The following CSMD2 variants were observed in gnomAD, a reference collection of about 807,000 sequenced individuals.
CSMD2 encodes CUB and sushi domain-containing protein 2.
In CSMD2, 130 loss-of-function variants were observed where a neutral mutation model predicts 398.5. That is an observed-to-expected ratio of 0.33 (90% confidence interval 0.28 to 0.38). The LOEUF (loss-of-function observed/expected upper bound fraction) is 0.38, where lower values mean the gene tolerates loss of function less well. Ranked by LOEUF, CSMD2 falls within the 10% of genes least tolerant of loss-of-function variation. CSMD2 has a pLI of 1.00. For missense variants in CSMD2, 3,829 were observed against 4,764.9 expected, an observed-to-expected ratio of 0.80 and a Z score of 5.78; for synonymous variants, 1,828 against 1,908.5, an observed-to-expected ratio of 0.96 and a Z score of 1.10.
intron 44 of CSMD2, among the ~76,000 whole-genome samples, chr1:33,590,328 G>T (rs1275644084): frequency 7.1e-6 from 1 of 141,468 alleles, no homozygotes; most frequent in African/African-American, 2.7e-5. Flanking sequence ...TGTAGAGATC[G>T]GGTTTCAAGA....
chr1:33,743,461 G>A lies in CSMD2; in HGVS notation c.1992C>T (p.Asp664=), dbSNP rs755606815. The change falls in exon 14 of 71, where the codon GAC becomes GAT. Residue 664 remains aspartate, a synonymous_variant. Coordinates refer to ENST00000373381, the MANE Select transcript of CSMD2 (RefSeq NM_001281956.2). ...SRIHLAFNDI[D]VEPQFDFLVI... The stretch of plus-strand genomic sequence containing the variant: ...CCAGGAAATCAAACTGAGGCTCCAC[G>A]TCAATGTCGTTGAAGGCCAGGTGGA... 22 of 1,614,204 alleles carry A rather than the reference G, an allele frequency of 1.4e-5. No homozygotes were observed. The highest frequency in any genetic ancestry group is 2.2e-5 in the East Asian group (1 of 44,882).
intron 1 of CSMD2, among the ~76,000 whole-genome samples, chr1:34,141,012 C>T (rs1639238194): frequency 6.6e-6 from 1 of 152,076 alleles, no homozygotes; most frequent in East Asian, 1.9e-4. Flanking sequence ...CTTCTCATTT[C>T]CTCCTGTGAA....
chr1:33,746,716 T>A (rs185670279), intron 13 of CSMD2, among the ~76,000 whole-genome samples: 33 of 152,338 alleles, frequency 2.2e-4, no homozygotes, highest in Non-Finnish European at 3.7e-4. Flanking sequence ...GAATCCCTAG[T>A]GGCTCCCACA....
intron 5 of CSMD2, among the ~76,000 whole-genome samples, chr1:33,879,033 G>A (rs1279502398): frequency 6.6e-6 from 1 of 152,232 alleles, no homozygotes. Flanking sequence ...GCCACAGGAT[G>A]CAGACCAACA....
intron 1 of CSMD2, among the ~76,000 whole-genome samples, chr1:34,139,278 A>T (rs976527710): frequency 6.6e-6 from 1 of 152,060 alleles, no homozygotes; most frequent in African/African-American, 2.4e-5. Context: ...GCTTTGTAAG[A>T]AGAAGAAGAG....
chr1:33,757,137 T>C (rs1167930486), intron 13 of CSMD2, among the ~76,000 whole-genome samples: 2 of 147,796 alleles, frequency 1.4e-5, no homozygotes, highest in Non-Finnish European at 3.0e-5. Context: ...AAGGGGAACA[T>C]CACAATCTGG....
chr1:33,577,409 G>A lies in CSMD2; in HGVS notation c.7463C>T (p.Ser2488Phe). Residue 2488 changes from serine (S) to phenylalanine (F), a missense_variant, in exon 49 of 71, where the codon TCC becomes TTC. Around this residue, in one of 5 missense-constraint regions of CSMD2, gnomAD observed 723 missense variants for 758.6 expected, o/e 0.95. Transcript: ENST00000373381. ...LGQTSTQPGG[S>F]IHFGCNAGYR... is the part of the protein sequence containing the mutation. ...GCCGGCGTTGCAGCCAAAGTGGATGGAGCCCCCGGGCTGGGTGCTGGTCTG... is the reference window on the plus strand; with the variant it reads ...GCCGGCGTTGCAGCCAAAGTGGATGAAGCCCCCGGGCTGGGTGCTGGTCTG... 6.2e-7 allele frequency: 1 copy of A among 1,614,176 alleles called. No individual in the cohort carries two copies.
intron 3 of CSMD2, among the ~76,000 whole-genome samples, chr1:33,957,650 T>C (rs1645212640): frequency 6.6e-6 from 1 of 152,160 alleles, no homozygotes; most frequent in Admixed American, 6.5e-5. Flanking sequence ...CTAAGATTGC[T>C]GACATGAGAA....
At chr1:33,594,386 A>C (rs1192991927) in intron 44 of CSMD2, among the ~76,000 whole-genome samples, 1 of 152,180 alleles carries the variant, frequency 6.6e-6, no homozygotes, top group Non-Finnish European at 1.5e-5. Flanking sequence ...CTAACGTCAA[A>C]AATTAGCCTG....
At chr1:33,680,922 T>TTTTC (rs1224930202) in intron 25 of CSMD2, among the ~76,000 whole-genome samples, 2 of 130,254 alleles carry the variant, frequency 1.5e-5, no homozygotes, top group African/African-American at 5.9e-5. Flanking sequence ...TTTATGCTTT[T>TTTTC]TTTTTTTTTT....
chr1:33,628,456 G>C (rs574298951), intron 32 of CSMD2, among the ~76,000 whole-genome samples: 5 of 152,200 alleles, frequency 3.3e-5, no homozygotes, highest in African/African-American at 1.2e-4. Flanking sequence ...ATCACCTGAG[G>C]TCAGGAGTTT....
In CSMD2 at chr1:33,578,974, G is replaced by A. The variant is rs118039959; in HGVS notation, c.7388-1490C>T. On this transcript the variant is annotated intron_variant, in intron 48 of 70. Coordinates refer to ENST00000373381, the MANE Select transcript of CSMD2 (RefSeq NM_001281956.2). ...TACCTCCCTCAGGAACAAGAATCTC[G>A]GTTGTAAAATATACTTAGTCACAGT... Among the ~76,000 whole-genome samples, 150 of 152,258 alleles carry A rather than the reference G, an allele frequency of 9.9e-4. No individual in the cohort carries two copies. The East Asian group carries it at 0.019, about 20-fold the overall frequency.
intron 19 of CSMD2, among the ~76,000 whole-genome samples, chr1:33,721,435 A>C (rs1328862555): frequency 1.3e-5 from 2 of 152,200 alleles, no homozygotes; most frequent in Admixed American, 6.5e-5. Context: ...ACACACATAG[A>C]AACTCACAGA....
intron 5 of CSMD2, among the ~76,000 whole-genome samples, chr1:33,886,678 C>G (rs1641620064): frequency 6.6e-6 from 1 of 152,204 alleles, no homozygotes; most frequent in African/African-American, 2.4e-5. Flanking sequence ...TAACAGATCT[C>G]AGAGCTTACA....
intron 5 of CSMD2, among the ~76,000 whole-genome samples, chr1:33,854,658 A>G (rs1638943982): frequency 6.6e-6 from 1 of 152,216 alleles, no homozygotes; most frequent in South Asian, 2.1e-4. Flanking sequence ...CTGCTAATCA[A>G]TGTGGGCAAA....
Position 33,652,448 on chromosome 1 carries a change from T to TC in CSMD2, c.4460dup (p.Asp1488ArgfsTer25). 1 of 1,613,998 alleles carries TC rather than the reference T, an allele frequency of 6.2e-7. No homozygotes were observed. Among genetic ancestry groups the TC allele is most frequent in the Non-Finnish European group, 8.5e-7 (1 of 1,179,942 alleles). On this transcript the variant is annotated frameshift_variant, in exon 28 of 71. Transcript: ENST00000373381. LOFTEE classifies it high-confidence loss of function. ...TGACTCCAGATGGTCCTGTCAGGTCTCCCCCGCAGGGAGCTGAGGAGAGAA... is the reference window on the plus strand; with the variant it reads ...TGACTCCAGATGGTCCTGTCAGGTCTCCCCCCGCAGGGAGCTGAGGAGAGAA...
intron 15 of CSMD2, among the ~76,000 whole-genome samples, chr1:33,727,646 G>A (rs1028534219): frequency 9.2e-5 from 14 of 152,218 alleles, no homozygotes; most frequent in African/African-American, 2.4e-4. Context: ...TTCCGGCCTC[G>A]GTAATTGTGG....
At chr1:33,937,440 G>C (rs773675064) in intron 3 of CSMD2, among the ~76,000 whole-genome samples, 1 of 152,218 alleles carries the variant, frequency 6.6e-6, no homozygotes, top group Non-Finnish European at 1.5e-5. Context: ...GAGTAAAAGA[G>C]TGGGGTGGCA....
intron 48 of CSMD2, among the ~76,000 whole-genome samples, chr1:33,579,748 G>A (rs187447502): frequency 3.3e-5 from 5 of 150,890 alleles, no homozygotes; most frequent in East Asian, 3.9e-4. Flanking sequence ...GCGTGATCTC[G>A]GCTCACTGCA....
Sources: allele counts gnomAD v4.1 joint callset (sites outside exome capture counted in the v4.1 genomes callset), GRCh38; gene constraint gnomAD v4.1.1; regional missense constraint gnomAD v4.1.1; transcripts MANE v1.5; gene names NCBI Gene and HGNC (gene_info 2026-07-23, HGNC 2026-07-21).